The following HNRNPM variants were observed in gnomAD, a reference collection of about 807,000 sequenced individuals.
The protein encoded by HNRNPM is CEA receptor.
HNRNPM carries 11 observed loss-of-function variants against 73.1 expected under a neutral mutation model. That is an observed-to-expected ratio of 0.15 (90% CI 0.09 to 0.25). The LOEUF is 0.25. Ranked by LOEUF, HNRNPM falls within the 10% of genes least tolerant of loss-of-function variation. HNRNPM has a pLI of 1.00. For missense variants in HNRNPM, 789 were observed against 1,067.9 expected (o/e 0.74, Z 3.64); for synonymous variants, 407 against 355.2 (o/e 1.15, Z -1.64).
At chr19:8,481,409 C>T in intron 12 of HNRNPM, 1 of 152,964 alleles carries the variant, frequency 6.5e-6, no homozygotes, top group Non-Finnish European at 1.5e-5. Flanking sequence ...GCGGTGGGTG[C>T]AGGTCTCTGT....
intron 1 of HNRNPM, among the ~76,000 whole-genome samples, chr19:8,448,045 G>T (rs1270677933): frequency 6.6e-6 from 1 of 151,952 alleles, no homozygotes; most frequent in African/African-American, 2.4e-5. Flanking sequence ...AAACAAACAA[G>T]AACACTGAAG....
intron 13 of HNRNPM, 40 bp from the exon 14 acceptor site, chr19:8,485,563 A>G: frequency 3.8e-6 from 6 of 1,572,524 alleles, no homozygotes; most frequent in Non-Finnish European, 5.2e-6. Context: ...CGCACACTCA[A>G]GTTCTTGACA....
In HNRNPM at chr19:8,471,420, T is replaced by G. The variant is rs1383104054; in HGVS notation, c.990T>G (p.Gly330=). The change falls in exon 10 of 16, where the codon GGT becomes GGG. Residue 330 remains glycine, a synonymous_variant. Transcript: ENST00000325495. ...AAGGCATCGGAATGGGAAACATAGG[T>G]CCCGCAGGTGAGAATGACAGTGCAC... The part of the protein sequence containing the change: ...LNKGIGMGNI[G]PAGMGMEGIG... 1 of 1,595,200 alleles carries G rather than the reference T, an allele frequency of 6.3e-7. No individual in the cohort carries two copies.
At position 8,486,232 on chromosome 19, in the gene HNRNPM, G is replaced by A. The variant is rs765947229; in HGVS notation, c.1804G>A (p.Ala602Thr). The change falls in exon 14 of 16, where the codon GCT (alanine) becomes ACT (threonine). Residue 602 changes from alanine to threonine, a missense_variant. Transcript: ENST00000325495. ...MGPAMGPALG[A>T]GIERMGLAMG... The stretch of plus-strand genomic sequence containing the variant: ...CCCTGCCATGGGCCCGGCCCTGGGC[G>A]CTGGCATTGAGCGCATGGGCCTGGC... 33 of 1,590,144 alleles carry A rather than the reference G, an allele frequency of 2.1e-5. No individual in the cohort carries two copies. Among genetic ancestry groups the A allele is most frequent in the African/African-American group, 2.7e-5 (2 of 74,488 alleles).
At position 8,444,992 on chromosome 19, in the gene HNRNPM, G is replaced by A. The variant is rs1411797538; in HGVS notation, c.-7G>A. 3.6e-6 allele frequency: 5 copies of A among 1,407,920 alleles called. No individual in the cohort carries two copies. The highest frequency in any genetic ancestry group is 1.5e-5 in the African/African-American group (1 of 66,512). The allele number at this position is 1,407,920 out of a possible 1,614,324, so 87.2% of individuals were successfully genotyped here. A position where few individuals can be genotyped will look rare whatever the true frequency, so the allele number is the denominator to read the frequency against. On this transcript the variant is annotated 5_prime_UTR_variant, in exon 1 of 16. Coordinates refer to ENST00000325495, the MANE Select transcript of HNRNPM (RefSeq NM_005968.5). ...GTTCGCTCACACAAAGCCCAGACGC[G>A]GAGAAAATGGCGGCAGGGGTCGAAG...
At chr19:8,483,295 CGG>C in intron 13 of HNRNPM, 84 bp downstream of exon 13, 1 of 1,021,926 alleles carries the variant, frequency 9.8e-7, no homozygotes, top group Non-Finnish European at 1.5e-6. Flanking sequence ...GTGAGAAGTG[CGG>C]GTTCTGACAC....
intron 1 of HNRNPM, among the ~76,000 whole-genome samples, chr19:8,450,017 G>T (rs1422625844): frequency 1.3e-5 from 2 of 152,170 alleles, no homozygotes; most frequent in African/African-American, 2.4e-5. Flanking sequence ...ATGCATACAG[G>T]TTGCGCTGGT....
At chr19:8,467,689 A>C in intron 8 of HNRNPM, 105 bp downstream of exon 8, 1 of 896,836 alleles carries the variant, frequency 1.1e-6, no homozygotes, top group Admixed American at 1.8e-5. Flanking sequence ...GGATTAGTCT[A>C]AGTTAAATAG....
chr19:8,488,570 C>G, intron 15 of HNRNPM, 121 bp from the exon 16 acceptor site: 1 of 796,040 alleles, frequency 1.3e-6, no homozygotes. Context: ...GTCATTGGTT[C>G]TCGCCATTGT....
intron 14 of HNRNPM, 27 bp from the exon 15 acceptor site, chr19:8,486,997 C>T: frequency 9.4e-6 from 15 of 1,599,504 alleles, no homozygotes; most frequent in Non-Finnish European, 1.3e-5. Context: ...AATCACGCAT[C>T]AGTCTCCCTT....
At chr19:8,484,419 C>G (rs762665016) in intron 13 of HNRNPM, among the ~76,000 whole-genome samples, 1 of 152,098 alleles carries the variant, frequency 6.6e-6, no homozygotes, top group African/African-American at 2.4e-5. Context: ...TTGTTCCGCC[C>G]GCCTTGGCCT....
intron 5 of HNRNPM, among the ~76,000 whole-genome samples, chr19:8,464,097 T>A (rs188364860): frequency 2.6e-5 from 4 of 152,036 alleles, no homozygotes; most frequent in Admixed American, 2.6e-4. Context: ...GTACAAAAAT[T>A]AGCCAGGCAT....
At chr19:8,473,413 A>G (rs1970291619) in intron 10 of HNRNPM, among the ~76,000 whole-genome samples, 1 of 151,814 alleles carries the variant, frequency 6.6e-6, no homozygotes. Flanking sequence ...GTGAGCCAAG[A>G]TTGTGCCATT....
At position 8,465,305 on chromosome 19, in the gene HNRNPM, C is replaced by T. The variant is rs377511725; in HGVS notation, c.439-19C>T. ...TGTACTGGGTCAGTTAAACGTAACACCTTTTGTGCTTGTTTTAGGATCCTG... is the reference window on the plus strand; with the variant it reads ...TGTACTGGGTCAGTTAAACGTAACATCTTTTGTGCTTGTTTTAGGATCCTG... On this transcript the variant is annotated intron_variant, in intron 5 of 15. Transcript: ENST00000325495. 5.7e-6 allele frequency: 9 copies of T among 1,590,396 alleles called. No homozygotes were observed. In the African/African-American group the frequency reaches 1.1e-4, roughly 19 times the overall value.
intron 2 of HNRNPM, among the ~76,000 whole-genome samples, chr19:8,460,844 C>G (rs1969349146): frequency 6.6e-6 from 1 of 152,186 alleles, no homozygotes; most frequent in Admixed American, 6.6e-5. Flanking sequence ...TATTTTGACA[C>G]TATGTGGCAT....
intron 1 of HNRNPM, among the ~76,000 whole-genome samples, chr19:8,450,721 A>ATTT (rs1968547274): frequency 2.5e-5 from 1 of 40,036 alleles, no homozygotes; most frequent in Non-Finnish European, 1.8e-4. Context: ...AATTATTATT[A>ATTT]TTATTATTTT....
intron 5 of HNRNPM, 84 bp from the exon 6 acceptor site, chr19:8,465,240 G>A: frequency 2.7e-6 from 3 of 1,104,484 alleles, no homozygotes; most frequent in Admixed American, 2.6e-5. Flanking sequence ...CAGTTTCTAA[G>A]TCTTGAGAAT....
rs780668980 is a variant in HNRNPM at position 8,485,957 on chromosome 19, G to A, written c.1529G>A (p.Arg510His). The change falls in exon 14 of 16, where the codon CGC becomes CAC. Residue 510 changes from arginine (R) to histidine (H), a missense_variant. Coordinates refer to ENST00000325495, the MANE Select transcript of HNRNPM (RefSeq NM_005968.5). ...GACCGTGTGGGCCAGACCATTGAGCGCATGGGCTCTGGCGTGGAGCGCATG... is the reference window on the plus strand; with the variant it reads ...GACCGTGTGGGCCAGACCATTGAGCACATGGGCTCTGGCGTGGAGCGCATG... ...PIDRVGQTIE[R>H]MGSGVERMGP... 1.9e-5 allele frequency: 30 copies of A among 1,606,524 alleles called. No individual in the cohort carries two copies. Among genetic ancestry groups the A allele is most frequent in the Admixed American group, 3.3e-5 (2 of 59,914 alleles).
chr19:8,468,618 C>T (rs866799008), intron 8 of HNRNPM, among the ~76,000 whole-genome samples, 156 bp from the exon 9 acceptor site: 4 of 152,156 alleles, frequency 2.6e-5, no homozygotes, highest in Non-Finnish European at 5.9e-5. Flanking sequence ...AAATAGGAAG[C>T]ATGCTCCGCA....
Sources: allele counts gnomAD v4.1 joint callset (sites outside exome capture counted in the v4.1 genomes callset), GRCh38; gene constraint gnomAD v4.1.1; transcripts MANE v1.5; gene names NCBI Gene and HGNC (gene_info 2026-07-23, HGNC 2026-07-21).